FOCAD: variants seen among roughly 807,000 people sequenced by gnomAD.
The protein encoded by FOCAD is focadhesin.
A neutral mutation model predicts 225.6 loss-of-function variants in FOCAD; 198 were observed. The observed-to-expected ratio is 0.88, with a 90% confidence interval of 0.78 to 0.99. The LOEUF is 0.99. Ranked by LOEUF, FOCAD falls within the 50% of genes least tolerant of loss-of-function variation. The pLI is 0.00. For missense variants in FOCAD, 2,713 were observed against 2,123.6 expected, an observed-to-expected ratio of 1.28 and a Z score of -5.46; for synonymous variants, 897 against 755.0, an observed-to-expected ratio of 1.19 and a Z score of -3.08.
intron 15 of FOCAD, among the ~76,000 whole-genome samples, chr9:20,834,419 T>C (rs1825799509): frequency 6.6e-6 from 1 of 151,972 alleles, no homozygotes; most frequent in Non-Finnish European, 1.5e-5. Flanking sequence ...AGCAAACCTG[T>C]ACATCCTACA....
intron 11 of FOCAD, among the ~76,000 whole-genome samples, chr9:20,798,076 A>G (rs977738790): frequency 6.6e-6 from 1 of 152,106 alleles, no homozygotes; most frequent in Non-Finnish European, 1.5e-5. Flanking sequence ...AATTTTGTCA[A>G]AGGCCTTTTC....
intron 1 of FOCAD, among the ~76,000 whole-genome samples, chr9:20,697,487 C>A (rs746590323): frequency 6.6e-6 from 1 of 152,252 alleles, no homozygotes; most frequent in Non-Finnish European, 1.5e-5. Flanking sequence ...TGCTGACTTG[C>A]ACTAGCCAAC....
rs543138137 is a variant in FOCAD at position 20,978,537 on chromosome 9, C to G, written c.4377+83C>G. 1.7e-4 allele frequency: 159 copies of G among 938,588 alleles called. 1 individual carries two copies. The African/African-American group carries it at 2.2e-3, about 13-fold the overall frequency. 58.1% of individuals were successfully genotyped at this position (938,588 alleles called of 1,614,324 possible). A position where few individuals can be genotyped will look rare whatever the true frequency, so the allele number is the denominator to read the frequency against. ...TAACATTCATTTGGGTGTGTGTTCT[C>G]AAAGTCAAGAGGAGACAGATGAGAT... On this transcript the variant is annotated intron_variant, in intron 37 of 43. Transcript: ENST00000338382.
chr9:20,751,322 C>A (rs1300123709), intron 5 of FOCAD, among the ~76,000 whole-genome samples: 1 of 124,252 alleles, frequency 8.0e-6, no homozygotes, highest in Non-Finnish European at 1.7e-5. Flanking sequence ...CCCCCCACCC[C>A]ACAACAGTCC....
upstream of FOCAD, among the ~76,000 whole-genome samples, chr9:20,680,287 C>T (rs118065859): frequency 6.2e-4 from 95 of 152,266 alleles, no homozygotes; most frequent in Non-Finnish European, 1.0e-3. Context: ...TGTCCGGGTG[C>T]GATGGCTCAT....
intron 36 of FOCAD, among the ~76,000 whole-genome samples, chr9:20,977,524 A>C (rs1207826990): frequency 6.6e-6 from 1 of 152,210 alleles, no homozygotes; most frequent in Non-Finnish European, 1.5e-5. Flanking sequence ...CTAACTCCAA[A>C]AATAAAGTAA....
intron 5 of FOCAD, among the ~76,000 whole-genome samples, chr9:20,747,614 C>A (rs1167058930): frequency 1.3e-5 from 2 of 152,074 alleles, no homozygotes; most frequent in East Asian, 1.9e-4. Flanking sequence ...CTATTCCCAG[C>A]CCCTGGAAAA....
At chr9:20,722,789 C>A (rs1825888880) in intron 4 of FOCAD, among the ~76,000 whole-genome samples, 1 of 152,076 alleles carries the variant, frequency 6.6e-6, no homozygotes, top group Non-Finnish European at 1.5e-5. Flanking sequence ...TTGTGCAAGC[C>A]ACCTAGATTT....
chr9:20,993,138 A>C, intron 42 of FOCAD, 115 bp from the exon 43 acceptor site: 1 of 742,972 alleles, frequency 1.3e-6, no homozygotes, highest in Non-Finnish European at 2.3e-6. Flanking sequence ...AATCCCAGCT[A>C]CTGGGGAGGC....
intron 15 of FOCAD, among the ~76,000 whole-genome samples, chr9:20,858,512 C>A (rs550764164): frequency 2.3e-4 from 35 of 151,942 alleles, no homozygotes; most frequent in African/African-American, 8.4e-4. Flanking sequence ...CTTAGTCTGG[C>A]CAAAGGTTTG....
chr9:20,697,626 T>C (rs377391559), intron 1 of FOCAD, among the ~76,000 whole-genome samples: 4 of 152,278 alleles, frequency 2.6e-5, no homozygotes, highest in African/African-American at 9.6e-5. Context: ...GAGCTTTTTT[T>C]ATTCTTCGGC....
intron 7 of FOCAD, among the ~76,000 whole-genome samples, chr9:20,766,035 C>CA (rs766942249): frequency 4.6e-5 from 7 of 152,086 alleles, no homozygotes; most frequent in Non-Finnish European, 8.8e-5. Context: ...GTGGCTTTTC[C>CA]AAAGCTTTTG....
intron 15 of FOCAD, 80 bp downstream of exon 15, chr9:20,823,195 G>C (rs1824516027): frequency 7.0e-7 from 1 of 1,426,782 alleles, no homozygotes. Flanking sequence ...TGTAAGATTA[G>C]ATTCAAATAA....
intron 15 of FOCAD, among the ~76,000 whole-genome samples, chr9:20,842,475 C>T (rs1407045218): frequency 6.6e-6 from 1 of 151,790 alleles, no homozygotes; most frequent in East Asian, 1.9e-4. Flanking sequence ...TGCATTAACC[C>T]CTTTATCATT....
intron 1 of FOCAD, among the ~76,000 whole-genome samples, chr9:20,699,351 T>G (rs1039786465): frequency 1.3e-5 from 2 of 152,200 alleles, no homozygotes; most frequent in Admixed American, 6.5e-5. Flanking sequence ...GTTCATCTAG[T>G]TGGTCATTTA....
intron 3 of FOCAD, 134 bp from the exon 4 acceptor site, chr9:20,720,245 GT>G (rs1825667086): frequency 1.2e-6 from 1 of 845,676 alleles, no homozygotes; most frequent in Admixed American, 2.6e-5. Flanking sequence ...TAGGAACAGA[GT>G]GACAACAGCA....
intron 1 of FOCAD, among the ~76,000 whole-genome samples, chr9:20,690,246 G>C (rs963704388): frequency 6.6e-6 from 1 of 152,116 alleles, no homozygotes; most frequent in Non-Finnish European, 1.5e-5. Flanking sequence ...TTTACCTTCC[G>C]AAGGATTTGG....
chr9:20,831,673 G>A (rs1825506322), intron 15 of FOCAD, among the ~76,000 whole-genome samples: 1 of 151,918 alleles, frequency 6.6e-6, no homozygotes, highest in African/African-American at 2.4e-5. Flanking sequence ...TCACCTGTAT[G>A]TTTCTTTTTT....
chr9:20,862,276 T>G (rs1417824801), intron 15 of FOCAD, among the ~76,000 whole-genome samples: 1 of 152,052 alleles, frequency 6.6e-6, no homozygotes, highest in Admixed American at 6.6e-5. Flanking sequence ...CTAGATAATC[T>G]GGAGTTAATT....
Sources: gnomAD v4.1 joint callset for allele counts (sites outside exome capture counted in the v4.1 genomes callset) on GRCh38, gnomAD v4.1.1 for gene constraint, MANE v1.5 for transcripts, NCBI Gene and HGNC (gene_info 2026-07-23, HGNC 2026-07-21) for gene names.